The following AGBL1 variants were observed in gnomAD, a reference collection of about 807,000 sequenced individuals.
The protein encoded by AGBL1 is cytosolic carboxypeptidase 4.
A neutral mutation model predicts 118.9 loss-of-function variants in AGBL1; 130 were observed. The observed-to-expected ratio is 1.09, with a 90% CI of 0.95 to 1.26. The LOEUF is 1.26. Ranked by LOEUF, AGBL1 falls within the 50% of genes most tolerant of loss-of-function variation. The pLI, the probability that AGBL1 is intolerant of heterozygous loss-of-function variation, is 0.00. For missense variants in AGBL1, 1,584 were observed against 1,298.1 expected (o/e 1.22, Z -3.38); for synonymous variants, 555 against 478.9 (o/e 1.16, Z -2.08).
At chr15:86,127,928 C>G (rs2076768309) in intron 1 of AGBL1, among the ~76,000 whole-genome samples, 1 of 152,170 alleles carries the variant, frequency 6.6e-6, no homozygotes, top group Non-Finnish European at 1.5e-5. Context: ...TAGAGAAGCC[C>G]TGCCCATCAA....
At chr15:86,142,815 C>G (rs1366845510) in intron 2 of AGBL1, among the ~76,000 whole-genome samples, 1 of 152,196 alleles carries the variant, frequency 6.6e-6, no homozygotes. Context: ...TGGGATAGTG[C>G]TGTCTTACAT....
At chr15:86,626,759 A>G (rs1388274986) in intron 21 of AGBL1, among the ~76,000 whole-genome samples, 1 of 151,628 alleles carries the variant, frequency 6.6e-6, no homozygotes, top group Non-Finnish European at 1.5e-5. Flanking sequence ...CTGAAATCAT[A>G]TTGTGGAGAG....
At chr15:86,855,386 C>T (rs114678889) in intron 22 of AGBL1, among the ~76,000 whole-genome samples, 1,692 of 152,240 alleles carry the variant, frequency 0.011, 14 homozygotes, top group African/African-American at 0.018. Flanking sequence ...TCTAAGAGTG[C>T]CTCTTGAGTT....
At chr15:86,826,149 A>T (rs1286320906) in intron 22 of AGBL1, among the ~76,000 whole-genome samples, 1 of 152,118 alleles carries the variant, frequency 6.6e-6, no homozygotes, top group Non-Finnish European at 1.5e-5. Context: ...TATAGAAGAA[A>T]AGTTAAAATC....
intron 21 of AGBL1, among the ~76,000 whole-genome samples, chr15:86,633,695 A>G (rs889164625): frequency 2.7e-5 from 4 of 150,846 alleles, no homozygotes; most frequent in Admixed American, 6.6e-5. Flanking sequence ...TATATTTCAA[A>G]CATATTTTAG....
chr15:86,661,395 A>G (rs2085536929), intron 21 of AGBL1, among the ~76,000 whole-genome samples: 1 of 151,986 alleles, frequency 6.6e-6, no homozygotes, highest in African/African-American at 2.4e-5. Flanking sequence ...AACTCCTAAA[A>G]CAGAGTCATG....
intron 22 of AGBL1, among the ~76,000 whole-genome samples, chr15:86,770,958 G>C: frequency 6.6e-6 from 1 of 152,044 alleles, no homozygotes; most frequent in East Asian, 1.9e-4. Flanking sequence ...ATGTGACTGA[G>C]TGCAGTCCTG....
At chr15:86,435,207 T>C (rs1368648398) in intron 18 of AGBL1, among the ~76,000 whole-genome samples, 2 of 152,224 alleles carry the variant, frequency 1.3e-5, no homozygotes, top group African/African-American at 4.8e-5. Context: ...CACATTAAAA[T>C]ATGTGCATAT....
At chr15:86,703,897 A>G (rs888708551) in intron 22 of AGBL1, among the ~76,000 whole-genome samples, 1 of 152,120 alleles carries the variant, frequency 6.6e-6, no homozygotes, top group Non-Finnish European at 1.5e-5. Context: ...CTATACTACA[A>G]GGCCACAGTA....
intron 22 of AGBL1, among the ~76,000 whole-genome samples, chr15:86,706,978 A>T (rs1341016068): frequency 6.6e-6 from 1 of 152,088 alleles, no homozygotes; most frequent in Non-Finnish European, 1.5e-5. Context: ...AAATGAATAG[A>T]TATAATAAGA....
chr15:86,114,336 A>G (rs987310574), intron 1 of AGBL1, among the ~76,000 whole-genome samples: 3 of 152,218 alleles, frequency 2.0e-5, no homozygotes, highest in African/African-American at 7.2e-5. Context: ...CAGAAGGAAG[A>G]ACTCAGAGGT....
intron 16 of AGBL1, among the ~76,000 whole-genome samples, chr15:86,290,199 GT>G (rs2079521543): frequency 1.3e-5 from 2 of 151,936 alleles, no homozygotes; most frequent in South Asian, 4.2e-4. Flanking sequence ...ATTTTTTAAT[GT>G]TTATATTAAT....
intron 21 of AGBL1, among the ~76,000 whole-genome samples, chr15:86,573,924 A>T (rs73459701): frequency 0.026 from 3,928 of 152,310 alleles, 184 homozygotes; most frequent in African/African-American, 0.089. Context: ...AAACAACAAA[A>T]ATCACAATAA....
chr15:86,926,983 C>A (rs2080547840), intron 23 of AGBL1, among the ~76,000 whole-genome samples: 2 of 151,838 alleles, frequency 1.3e-5, no homozygotes, highest in African/African-American at 4.8e-5. Context: ...ACTAAAAATG[C>A]AAAACATTAG....
chr15:86,551,497 C>T (rs1343841011), intron 20 of AGBL1, among the ~76,000 whole-genome samples: 3 of 152,224 alleles, frequency 2.0e-5, no homozygotes, highest in African/African-American at 7.2e-5. Flanking sequence ...ACTACCAAAA[C>T]TGACTCAAGG....
intron 22 of AGBL1, among the ~76,000 whole-genome samples, chr15:86,873,648 A>G (rs143180338): frequency 1.1e-4 from 17 of 152,278 alleles, no homozygotes; most frequent in African/African-American, 3.1e-4. Flanking sequence ...ACACAGCTAG[A>G]TGGTGCCATT....
chr15:86,450,486 T>C (rs7171048), intron 18 of AGBL1, among the ~76,000 whole-genome samples: 18,986 of 152,188 alleles, frequency 0.12, 1,239 homozygotes, highest in South Asian at 0.17. Flanking sequence ...TAGAATGAAG[T>C]GTTTGGGGCC....
chr15:86,282,469 G>T (rs2079370940), intron 16 of AGBL1, among the ~76,000 whole-genome samples: 1 of 152,148 alleles, frequency 6.6e-6, no homozygotes, highest in Non-Finnish European at 1.5e-5. Flanking sequence ...GAGAAAGAGG[G>T]ATAACTTATT....
chr15:86,462,005 G>T (rs776128319), intron 18 of AGBL1, among the ~76,000 whole-genome samples: 1 of 152,122 alleles, frequency 6.6e-6, no homozygotes. Context: ...TAGCTCTGTG[G>T]TATTCCTTTT....
Sources: allele counts gnomAD v4.1 joint callset (sites outside exome capture counted in the v4.1 genomes callset), GRCh38; gene constraint gnomAD v4.1.1; transcripts MANE v1.5; gene names NCBI Gene and HGNC (gene_info 2026-07-23, HGNC 2026-07-21).